Variants in DOCK1 observed in about 807,000 individuals in gnomAD.
DOCK1 encodes the protein dedicator of cytokinesis protein 1.
Under a neutral mutation model 262.7 loss-of-function variants are expected in DOCK1, and 138 were observed. The ratio of observed to expected loss-of-function variants is 0.53; its 90% CI spans 0.46 to 0.61. The LOEUF is 0.61. Among genes scored for constraint, DOCK1 ranks in the 20% least tolerant of loss-of-function variants. The pLI is 0.00. For synonymous variants in DOCK1, 866 were observed against 867.4 expected (o/e 1.00, Z 0.03); for missense variants, 1,908 against 2,370.7 (o/e 0.80, Z 4.05).
chr10:127,187,576 G>A (rs1355297849), intron 27 of DOCK1, among the ~76,000 whole-genome samples: 1 of 152,078 alleles, frequency 6.6e-6, no homozygotes. Flanking sequence ...ATCCTGCCAC[G>A]TAGAAGAAAA....
At chr10:127,105,296 A>G (rs1592045471) in intron 23 of DOCK1, among the ~76,000 whole-genome samples, 1 of 152,212 alleles carries the variant, frequency 6.6e-6, no homozygotes, top group South Asian at 2.1e-4. Flanking sequence ...ATGGACTAAT[A>G]CAGGAGGTCT....
intron 21 of DOCK1, among the ~76,000 whole-genome samples, chr10:127,052,458 A>C (rs1372734990): frequency 6.6e-6 from 1 of 151,592 alleles, no homozygotes; most frequent in Non-Finnish European, 1.5e-5. Context: ...CGGAAGGCAG[A>C]GGTTGCAGTG....
chr10:127,125,394 A>G, intron 25 of DOCK1, 80 bp from the exon 26 acceptor site: 1 of 1,588,154 alleles, frequency 6.3e-7, no homozygotes, highest in Non-Finnish European at 8.5e-7. Flanking sequence ...AACTGCTTGA[A>G]AGGGCAGACA....
At chr10:127,204,097 C>T (rs894397130) in intron 27 of DOCK1, among the ~76,000 whole-genome samples, 23 of 152,000 alleles carry the variant, frequency 1.5e-4, no homozygotes, top group African/African-American at 5.6e-4. Flanking sequence ...CTCCCCCTTG[C>T]CTGGACGGAG....
chr10:127,247,928 C>T, intron 27 of DOCK1, 80 bp from the exon 28 acceptor site: 1 of 1,396,922 alleles, frequency 7.2e-7, no homozygotes, highest in Non-Finnish European at 1.0e-6. Flanking sequence ...AGTTTCAAGT[C>T]CCAGAATCTG....
At chr10:127,439,763 G>C (rs766053748) in intron 49 of DOCK1, among the ~76,000 whole-genome samples, 1 of 152,082 alleles carries the variant, frequency 6.6e-6, no homozygotes, top group Non-Finnish European at 1.5e-5. Context: ...TCTCCTGGCC[G>C]TCTTTCACAA....
At chr10:127,340,013 C>A (rs2063363875) in intron 30 of DOCK1, among the ~76,000 whole-genome samples, 3 of 152,006 alleles carry the variant, frequency 2.0e-5, no homozygotes, top group Non-Finnish European at 4.4e-5. Context: ...AATAAGTTAC[C>A]CAATAGCAAA....
At chr10:127,140,638 A>AAGTCTCGGGGTTGAGTTTGACACACCG (rs2051144219) in intron 27 of DOCK1, among the ~76,000 whole-genome samples, 1 of 147,054 alleles carries the variant, frequency 6.8e-6, no homozygotes, top group Non-Finnish European at 1.5e-5. Flanking sequence ...TTGACACACC[A>AAGTCTCGGGGTTGAGTTTGACACACCG]AGTCTCTGGG....
chr10:127,261,256 CATGTGG>C (rs2060083462), intron 29 of DOCK1, among the ~76,000 whole-genome samples: 2 of 88,500 alleles, frequency 2.3e-5, no homozygotes, highest in Non-Finnish European at 2.2e-5. Context: ...CATGTGTGTG[CATGTGG>C]GTGTGTGTGT....
At chr10:126,970,631 A>G in intron 1 of DOCK1, 71 bp from the exon 2 acceptor site, 1 of 1,221,318 alleles carries the variant, frequency 8.2e-7, no homozygotes, top group Non-Finnish European at 1.2e-6. Flanking sequence ...CATTAAAACA[A>G]GCCAACACGA....
chr10:127,417,617 C>T (rs775867130), intron 44 of DOCK1, among the ~76,000 whole-genome samples: 1 of 152,144 alleles, frequency 6.6e-6, no homozygotes, highest in African/African-American at 2.4e-5. Context: ...CACTCTGTTG[C>T]CCAGCCTGAA....
At chr10:127,130,568 A>G (rs960732020) in intron 27 of DOCK1, among the ~76,000 whole-genome samples, 2 of 152,180 alleles carry the variant, frequency 1.3e-5, no homozygotes, top group African/African-American at 4.8e-5. Context: ...CCTGCAGGGA[A>G]TGATATCTCC....
At chr10:127,251,223 T>A (rs997353401) in intron 28 of DOCK1, among the ~76,000 whole-genome samples, 1 of 151,662 alleles carries the variant, frequency 6.6e-6, no homozygotes, top group Non-Finnish European at 1.5e-5. Flanking sequence ...CGCCTCGGCC[T>A]CCCAAATGGC....
chr10:126,962,630 C>A lies in DOCK1; in HGVS notation c.47-8072C>A, dbSNP rs1376972002. Among the ~76,000 whole-genome samples, 4 of 152,312 alleles carry A rather than the reference C, an allele frequency of 2.6e-5. No individual in the cohort carries two copies. In the East Asian group the frequency reaches 7.7e-4, roughly 29 times the overall value. ...TTCTTTATATATTCTGGATACCATT[C>A]CCTTAACAGATAGGGGATTTGTAAA... is the stretch of plus-strand genomic sequence containing the variant. On this transcript the variant is annotated intron_variant, in intron 1 of 51. Coordinates refer to ENST00000623213, the MANE Select transcript of DOCK1 (RefSeq NM_001290223.2).
At chr10:127,307,607 C>T (rs956965578) in intron 29 of DOCK1, among the ~76,000 whole-genome samples, 1 of 152,216 alleles carries the variant, frequency 6.6e-6, no homozygotes, top group Non-Finnish European at 1.5e-5. Context: ...TGGCAAACAC[C>T]TCTGCAACCT....
At chr10:127,433,464 T>G in intron 48 of DOCK1, 36 bp downstream of exon 48, 1 of 1,609,196 alleles carries the variant, frequency 6.2e-7, no homozygotes. Flanking sequence ...AGCTGAGCAG[T>G]GAGGGCTTGG....
At chr10:127,066,601 G>A (rs1189778528) in intron 23 of DOCK1, among the ~76,000 whole-genome samples, 1 of 152,116 alleles carries the variant, frequency 6.6e-6, no homozygotes, top group African/African-American at 2.4e-5. Context: ...TAGAACCAGT[G>A]CGTTCCCCAG....
chr10:127,285,747 A>G, intron 29 of DOCK1, among the ~76,000 whole-genome samples: 1 of 152,198 alleles, frequency 6.6e-6, no homozygotes, highest in East Asian at 1.9e-4. Flanking sequence ...CAGTGGGAAG[A>G]TTTGGAGGAT....
intron 29 of DOCK1, among the ~76,000 whole-genome samples, chr10:127,312,786 T>G (rs1298062958): frequency 6.8e-6 from 1 of 147,654 alleles, no homozygotes; most frequent in African/African-American, 2.5e-5. Context: ...AGCCAGATGG[T>G]CTTCCCCCTC....
Sources: allele counts gnomAD v4.1 joint callset (sites outside exome capture counted in the v4.1 genomes callset), GRCh38; gene constraint gnomAD v4.1.1; transcripts MANE v1.5; gene names NCBI Gene and HGNC (gene_info 2026-07-23, HGNC 2026-07-21).